RAD51B: variants seen among roughly 807,000 people sequenced by gnomAD.
The protein encoded by RAD51B is DNA repair protein RAD51 homolog 2.
RAD51B carries 38 observed loss-of-function variants against 42.2 expected under a neutral mutation model. That is an observed-to-expected ratio of 0.90 (90% confidence interval 0.70 to 1.18). The LOEUF is 1.18. Among genes scored for constraint, RAD51B ranks in the 50% most tolerant of loss-of-function variants. RAD51B has a pLI of 0.00. For synonymous variants in RAD51B, 154 were observed against 145.2 expected, an observed-to-expected ratio of 1.06 and a Z score of -0.43; for missense variants, 373 against 400.7, an observed-to-expected ratio of 0.93 and a Z score of 0.59.
chr14:67,861,576 T>TAAAA (rs34392333), intron 4 of RAD51B, among the ~76,000 whole-genome samples: 3 of 138,702 alleles, frequency 2.2e-5, no homozygotes, highest in African/African-American at 8.0e-5. Flanking sequence ...AACCTGTCTT[T>TAAAA]AAAAAAAAAA....
chr14:68,242,183 T>C lies in RAD51B; in HGVS notation c.757-49701T>C, dbSNP rs149506933. The stretch of plus-strand genomic sequence containing the variant: ...TGGACTAGTAGGATTTCTGTAAAGA[T>C]GCATTTGTTTTCTTCACTTTAGACT... On this transcript the variant is annotated intron_variant, in intron 7 of 10. Coordinates refer to ENST00000471583, the MANE Select transcript of RAD51B (RefSeq NM_133510.4). Among the ~76,000 whole-genome samples, 11 of 152,338 alleles carry C rather than the reference T, an allele frequency of 7.2e-5. No homozygotes were observed. In the East Asian group the frequency reaches 2.1e-3, roughly 29 times the overall value.
rs576322073 is a variant in RAD51B, at chr14:68,215,364, A to G, written c.757-76520A>G. Among the ~76,000 whole-genome samples the G allele has an allele frequency of 6.6e-5, 10 of 152,306 alleles. No individual in the cohort carries two copies. In the South Asian group the frequency reaches 2.1e-3, roughly 32 times the overall value. ...TCCTGTTTGGAAGGTGGAGAAGAGG[A>G]AGCAAGACAGATATTATTGTACCCA... On this transcript the variant is annotated intron_variant, in intron 7 of 10. Coordinates refer to ENST00000471583, the MANE Select transcript of RAD51B (RefSeq NM_133510.4).
At chr14:68,074,459 A>G (rs887894232) in intron 7 of RAD51B, among the ~76,000 whole-genome samples, 1 of 152,214 alleles carries the variant, frequency 6.6e-6, no homozygotes, top group Non-Finnish European at 1.5e-5. Context: ...TCATTGGAAT[A>G]GGTTTCAATT....
At chr14:68,122,568 A>C (rs2077671531) in intron 7 of RAD51B, among the ~76,000 whole-genome samples, 1 of 152,232 alleles carries the variant, frequency 6.6e-6, no homozygotes, top group African/African-American at 2.4e-5. Flanking sequence ...TTGAGAAAGC[A>C]GTTGGTTTTA....
chr14:67,897,046 A>G (rs1047069120), intron 7 of RAD51B, among the ~76,000 whole-genome samples: 1 of 152,202 alleles, frequency 6.6e-6, no homozygotes, highest in Non-Finnish European at 1.5e-5. Flanking sequence ...ATTCACATGC[A>G]CAAGAATGAG....
At chr14:67,821,894 T>G (rs2040641445) in intron 1 of RAD51B, among the ~76,000 whole-genome samples, 2 of 152,310 alleles carry the variant, frequency 1.3e-5, no homozygotes, top group South Asian at 2.1e-4. Context: ...GGTTTTCTAC[T>G]GGGGGAAACA....
chr14:68,066,692 CAGG>C (rs1026139097), intron 7 of RAD51B, among the ~76,000 whole-genome samples: 22 of 152,104 alleles, frequency 1.4e-4, no homozygotes, highest in African/African-American at 5.3e-4. Context: ...GAGAGTGAGG[CAGG>C]AGGATTTCTT....
intron 9 of RAD51B, among the ~76,000 whole-genome samples, chr14:68,413,502 A>G (rs2084471535): frequency 1.3e-5 from 2 of 152,290 alleles, no homozygotes; most frequent in Non-Finnish European, 2.9e-5. Context: ...TTAATGTAAA[A>G]TATGGCCAGT....
chr14:68,277,846 C>G (rs943520243), intron 7 of RAD51B, among the ~76,000 whole-genome samples: 1 of 152,128 alleles, frequency 6.6e-6, no homozygotes, highest in Non-Finnish European at 1.5e-5. Flanking sequence ...TCAAGCAATT[C>G]TCTCATGTGC....
At chr14:68,344,100 C>G (rs777545431) in intron 8 of RAD51B, among the ~76,000 whole-genome samples, 22 of 152,334 alleles carry the variant, frequency 1.4e-4, no homozygotes, top group Non-Finnish European at 2.1e-4. Flanking sequence ...TGAAGCCCCC[C>G]ACATAGAGTC....
chr14:68,092,020 A>G (rs141232262), intron 7 of RAD51B, among the ~76,000 whole-genome samples: 19,180 of 152,080 alleles, frequency 0.13, 1,379 homozygotes, highest in Middle Eastern at 0.27. Context: ...GATATGTGGC[A>G]TTATTTCTCA....
At chr14:68,617,536 T>C (rs1891850473) in intron 10 of RAD51B, among the ~76,000 whole-genome samples, 1 of 152,176 alleles carries the variant, frequency 6.6e-6, no homozygotes, top group African/African-American at 2.4e-5. Flanking sequence ...TTTCTGGAGC[T>C]TTTTTTACAT....
chr14:67,853,068 T>C (rs1034528310), intron 4 of RAD51B, among the ~76,000 whole-genome samples: 8 of 152,176 alleles, frequency 5.3e-5, no homozygotes, highest in Non-Finnish European at 1.0e-4. Context: ...CAGGATGCCA[T>C]TGCTGCCTTG....
chr14:68,367,221 A>G (rs539405565), intron 8 of RAD51B, among the ~76,000 whole-genome samples: 1 of 152,368 alleles, frequency 6.6e-6, no homozygotes, highest in East Asian at 1.9e-4. Context: ...TTCATGAAAT[A>G]TACCATTTTG....
chr14:67,824,649 G>A (rs1227178238), intron 2 of RAD51B, among the ~76,000 whole-genome samples: 1 of 151,784 alleles, frequency 6.6e-6, no homozygotes, highest in African/African-American at 2.4e-5. Flanking sequence ...CGGTTCCTTT[G>A]TTATACATTT....
At chr14:67,982,796 T>C (rs2075119886) in intron 7 of RAD51B, among the ~76,000 whole-genome samples, 1 of 151,340 alleles carries the variant, frequency 6.6e-6, no homozygotes, top group Non-Finnish European at 1.5e-5. Flanking sequence ...TGGTGGCTTA[T>C]GCCTTTAATC....
rs147822626 is a variant in RAD51B, at chr14:68,591,756, G to A, written c.1037-2729G>A. Among the ~76,000 whole-genome samples the A allele has an allele frequency of 1.3e-4, 20 of 152,280 alleles. No individual in the cohort carries two copies. The East Asian group carries it at 1.9e-3, about 15-fold the overall frequency. ...GAGTGGTGGGGTCCTGCTACCATGT[G>A]GTGCTCTGGCAGGCCTGGGGAGATC... On this transcript the variant is annotated intron_variant, in intron 10 of 10. Coordinates refer to the RAD51B transcript ENST00000487270.
At chr14:68,279,177 T>C (rs1475620749) in intron 7 of RAD51B, among the ~76,000 whole-genome samples, 1 of 152,198 alleles carries the variant, frequency 6.6e-6, no homozygotes, top group Non-Finnish European at 1.5e-5. Context: ...ATTTAGTCAT[T>C]TCAGTGTGGT....
intron 7 of RAD51B, among the ~76,000 whole-genome samples, chr14:68,250,788 G>A (rs902102361): frequency 3.3e-5 from 5 of 152,138 alleles, no homozygotes; most frequent in African/African-American, 9.7e-5. Flanking sequence ...AAGGAGAGTA[G>A]AGCTGAGGGT....
Sources: allele counts gnomAD v4.1 joint callset (sites outside exome capture counted in the v4.1 genomes callset), GRCh38; gene constraint gnomAD v4.1.1; transcripts MANE v1.5; gene names NCBI Gene and HGNC (gene_info 2026-07-23, HGNC 2026-07-21).